Variants in KIF24 observed in about 807,000 individuals in gnomAD.
KIF24 encodes the protein kinesin family member 24.
KIF24 carries 81 observed loss-of-function variants against 118.9 expected under a neutral mutation model. That is an observed-to-expected ratio of 0.68 (90% CI 0.57 to 0.82). The LOEUF (loss-of-function observed/expected upper bound fraction) is 0.82. KIF24 is among the 40% of genes least tolerant of loss of function. The probability of loss-of-function intolerance (pLI) is 0.00; values close to 1 mark genes in which losing one functional copy is unlikely to be tolerated. For missense variants in KIF24, 1,560 were observed against 1,661.6 expected, an observed-to-expected ratio of 0.94 and a Z score of 1.06; for synonymous variants, 599 against 610.0, an observed-to-expected ratio of 0.98 and a Z score of 0.27.
At chr9:34,280,339 G>A (rs1365212598) in intron 6 of KIF24, among the ~76,000 whole-genome samples, 1 of 148,584 alleles carries the variant, frequency 6.7e-6, no homozygotes, top group Non-Finnish European at 1.5e-5. Context: ...AACTCTTCCA[G>A]GATGCAGGGG....
rs751945795 is a variant in KIF24 at position 34,257,231 on chromosome 9, C to T, written c.2376G>A (p.Gln792=). The part of the protein sequence containing the change: ...KYQPLKRSLR[Q]YRPPEGQLTN... The stretch of plus-strand genomic sequence containing the variant: ...TGAGCTGACCCTCTGGGGGCCTGTA[C>T]TGGCGTAAAGACCTTTTCAGTGGTT... The change falls in exon 11 of 13, where the codon CAG becomes CAA. Residue 792 remains glutamine (Q), a synonymous_variant. Coordinates refer to ENST00000402558, the MANE Select transcript of KIF24 (RefSeq NM_194313.4). The T allele has an allele frequency of 1.7e-5, 27 of 1,613,938 alleles. No homozygotes were observed. Among genetic ancestry groups the T allele is most frequent in the African/African-American group, 2.7e-5 (2 of 74,948 alleles).
In KIF24 at chr9:34,288,765, G is replaced by A. The variant is rs188232827; in HGVS notation, c.1127+1409C>T. ...ACAACTGAGGAATGCAAATATACAG[G>A]GCAATAAAATAATCTGGGCAATTCA... On this transcript the variant is annotated intron_variant, in intron 5 of 12. Coordinates refer to ENST00000402558, the MANE Select transcript of KIF24 (RefSeq NM_194313.4). Among the ~76,000 whole-genome samples the A allele has an allele frequency of 1.8e-4, 27 of 150,268 alleles. No individual in the cohort carries two copies. The East Asian group carries it at 5.1e-3, about 28-fold the overall frequency.
chr9:34,319,760 T>C (rs572209529), intron 1 of KIF24: 15 of 599,926 alleles, frequency 2.5e-5, no homozygotes, highest in South Asian at 7.7e-5. Context: ...GGATACTCCA[T>C]GGGTGGGGGT....
In KIF24 at chr9:34,253,565, A is replaced by G. The variant is rs2131647284; in HGVS notation, c.*815T>C. ...GCCAGGCTAGGAGATGGACTATTCCATGAGGGGGCTGGGTAGTGAGGTGTC... is the reference window on the plus strand; with the variant it reads ...GCCAGGCTAGGAGATGGACTATTCCGTGAGGGGGCTGGGTAGTGAGGTGTC... On this transcript the variant is annotated 3_prime_UTR_variant, in exon 13 of 13. Coordinates refer to ENST00000402558, the MANE Select transcript of KIF24 (RefSeq NM_194313.4). 1.3e-5 allele frequency: 2 copies of G among 152,494 alleles called. 1 individual carries two copies. Among genetic ancestry groups the G allele is most frequent in the South Asian group, 4.1e-4 (2 of 4,826 alleles). The allele number at this position is 152,494 out of a possible 1,614,324, so 9.4% of individuals were successfully genotyped here. A position where few individuals can be genotyped will look rare whatever the true frequency, so the allele number is the denominator to read the frequency against.
At chr9:34,294,321 T>G (rs1342670763) in intron 4 of KIF24, among the ~76,000 whole-genome samples, 3 of 152,042 alleles carry the variant, frequency 2.0e-5, no homozygotes, top group Non-Finnish European at 4.4e-5. Context: ...TTACCCAAAG[T>G]AAATGAAAAC....
At chr9:34,255,627 C>T (rs1448487669) in intron 11 of KIF24, 108 bp downstream of exon 11, 2 of 973,870 alleles carry the variant, frequency 2.1e-6, no homozygotes, top group Non-Finnish European at 3.0e-6. Context: ...CAGACTAGCT[C>T]ACCTGCGTAC....
chr9:34,282,775 G>C (rs1451634992), intron 6 of KIF24: 2 of 152,178 alleles, frequency 1.3e-5, no homozygotes, highest in African/African-American at 4.8e-5. Context: ...AACTGAGCGG[G>C]ACGCAGTGCA....
chr9:34,296,989 C>A (rs899293290), intron 4 of KIF24, 28 bp downstream of exon 4: 27 of 1,182,310 alleles, frequency 2.3e-5, no homozygotes, highest in Non-Finnish European at 3.0e-5. Context: ...AAATAAAAAG[C>A]AAAAAAAGCA....
rs556380796 is a variant in KIF24 at position 34,277,400 on chromosome 9, T to C, written c.1216-5470A>G. 6.6e-5 allele frequency among the ~76,000 whole-genome samples: 10 copies of C among 152,230 alleles called. 1 individual carries two copies. Among genetic ancestry groups the C allele is most frequent in the African/African-American group, 2.4e-4 (10 of 41,540 alleles). ...GATATCCTCTTCTACATGTGAGTAA[T>C]GATGTTACTAATGATGCTAGTCCAC... On this transcript the variant is annotated intron_variant, in intron 6 of 12. Transcript: ENST00000402558.
At chr9:34,269,521 G>A (rs529004515) in intron 7 of KIF24, among the ~76,000 whole-genome samples, 159 bp from the exon 8 acceptor site, 23 of 152,120 alleles carry the variant, frequency 1.5e-4, no homozygotes, top group Admixed American at 7.9e-4. Context: ...CCGGGTTCAC[G>A]CCATTCTCCT....
intron 3 of KIF24, 127 bp from the exon 4 acceptor site, chr9:34,297,241 G>T: frequency 1.7e-6 from 1 of 577,406 alleles, no homozygotes; most frequent in Non-Finnish European, 3.1e-6. Flanking sequence ...ATCAAACTTA[G>T]AGGTAAATAA....
At chr9:34,299,460 G>GT (rs1836610313) in intron 3 of KIF24, among the ~76,000 whole-genome samples, 1 of 151,836 alleles carries the variant, frequency 6.6e-6, no homozygotes, top group African/African-American at 2.4e-5. Context: ...GGGATTACAG[G>GT]TGTGAGCCCA....
chr9:34,270,912 C>A (rs1166076228), intron 7 of KIF24, among the ~76,000 whole-genome samples: 1 of 150,252 alleles, frequency 6.7e-6, no homozygotes, highest in African/African-American at 2.4e-5. Context: ...AGCCAGATCT[C>A]CCTCACATCC....
chr9:34,279,605 G>A (rs1835772784), intron 6 of KIF24, among the ~76,000 whole-genome samples: 2 of 152,332 alleles, frequency 1.3e-5, no homozygotes, highest in South Asian at 2.1e-4. Context: ...CCTGGAGGAA[G>A]GACAATCCCA....
chr9:34,279,273 T>A lies in KIF24; in HGVS notation c.1216-7343A>T, dbSNP rs552766138. Reference sequence around the variant, plus strand: ...CAATCATCTATCATTATCTACATGTTTCAGGCTCAGAGAGATAAAGGATGT... The same window carrying A: ...CAATCATCTATCATTATCTACATGTATCAGGCTCAGAGAGATAAAGGATGT... On this transcript the variant is annotated intron_variant, in intron 6 of 12. Coordinates refer to ENST00000402558, the MANE Select transcript of KIF24 (RefSeq NM_194313.4). 1.4e-4 allele frequency among the ~76,000 whole-genome samples: 22 copies of A among 152,266 alleles called. No homozygotes were observed. In the East Asian group the frequency reaches 4.2e-3, roughly 29 times the overall value.
chr9:34,325,633 A>C (rs1324140410), intron 1 of KIF24, among the ~76,000 whole-genome samples: 1 of 152,052 alleles, frequency 6.6e-6, no homozygotes, highest in East Asian at 1.9e-4. Context: ...AAGAGGTTGC[A>C]GTGAGCCAAG....
chr9:34,259,513 G>T (rs1834976238), intron 10 of KIF24, 83 bp downstream of exon 10: 4 of 997,720 alleles, frequency 4.0e-6, no homozygotes, highest in Non-Finnish European at 6.3e-6. Context: ...ACACACACGC[G>T]TGCACACATG....
chr9:34,254,600 G>A, intron 12 of KIF24, 80 bp from the exon 13 acceptor site: 2 of 1,466,058 alleles, frequency 1.4e-6, no homozygotes, highest in Non-Finnish European at 1.9e-6. Flanking sequence ...TCCCTCCTCT[G>A]GCAGGAAAGT....
chr9:34,253,968 T>TTAG lies in KIF24; in HGVS notation c.*411_*412insCTA, dbSNP rs1467765297. 3 of 157,454 alleles carry TTAG rather than the reference T, an allele frequency of 1.9e-5. No individual in the cohort carries two copies. Among genetic ancestry groups the TTAG allele is most frequent in the African/African-American group, 7.2e-5 (3 of 41,648 alleles). 9.8% of individuals were successfully genotyped at this position (157,454 alleles called of 1,614,324 possible). ...AATTCAGCTGGTGAAGCCTCTGGTC[T>TTAG]CAGCATGTTGTCTTCTCTGTCTTGT... On this transcript the variant is annotated 3_prime_UTR_variant, in exon 13 of 13. Coordinates refer to ENST00000402558, the MANE Select transcript of KIF24 (RefSeq NM_194313.4).
Sources: allele counts gnomAD v4.1 joint callset (sites outside exome capture counted in the v4.1 genomes callset), GRCh38; gene constraint gnomAD v4.1.1; transcripts MANE v1.5; gene names NCBI Gene and HGNC (gene_info 2026-07-23, HGNC 2026-07-21).